Variants in UNC13C observed in about 807,000 individuals in gnomAD.
UNC13C encodes protein unc-13 homolog C.
In UNC13C, 174 loss-of-function variants were observed where a neutral mutation model predicts 245.4. The ratio of observed to expected loss-of-function variants is 0.71; its 90% CI spans 0.63 to 0.80. The LOEUF is 0.80. UNC13C is among the 30% of genes least tolerant of loss of function. The pLI is 0.00. For missense variants in UNC13C, 2,829 were observed against 2,602.9 expected (o/e 1.09, Z -1.89); for synonymous variants, 992 against 895.1 (o/e 1.11, Z -1.93).
At chr15:54,247,102 C>T (rs1347438283) in intron 7 of UNC13C, among the ~76,000 whole-genome samples, 1 of 152,162 alleles carries the variant, frequency 6.6e-6, no homozygotes, top group African/African-American at 2.4e-5. Context: ...CCTTCTCCTT[C>T]AGCTCTTATT....
At chr15:54,310,988 A>G (rs889555829) in intron 13 of UNC13C, among the ~76,000 whole-genome samples, 4 of 151,686 alleles carry the variant, frequency 2.6e-5, no homozygotes, top group Non-Finnish European at 5.9e-5. Context: ...ATCATTTACT[A>G]TTTAGAGTCA....
At chr15:54,597,297 G>A (rs959790434) in intron 30 of UNC13C, among the ~76,000 whole-genome samples, 1 of 152,188 alleles carries the variant, frequency 6.6e-6, no homozygotes, top group African/African-American at 2.4e-5. Context: ...CCACTGCTCA[G>A]GAAGGTAAGA....
chr15:54,420,055 T>A (rs578111198), intron 19 of UNC13C, among the ~76,000 whole-genome samples: 6 of 152,192 alleles, frequency 3.9e-5, no homozygotes, highest in Admixed American at 1.3e-4. Context: ...CAGAAAAGAA[T>A]AAGATGAACA....
At chr15:54,209,280 C>T (rs374904151) in intron 4 of UNC13C, among the ~76,000 whole-genome samples, 12 of 152,076 alleles carry the variant, frequency 7.9e-5, no homozygotes, top group South Asian at 2.1e-4. Flanking sequence ...TTGATATTTG[C>T]GAGGAGAGTA....
chr15:54,553,081 CTATATTACAATATATAATATATAT>C (rs1896910816), intron 28 of UNC13C, among the ~76,000 whole-genome samples: 4 of 85,602 alleles, frequency 4.7e-5, no homozygotes, highest in African/African-American at 1.4e-4. Flanking sequence ...ATATTGTATT[CTATATTACAATATATAATATATAT>C]TGTATTCTAT....
chr15:54,614,744 T>C lies in UNC13C; in HGVS notation c.6107-7583T>C, dbSNP rs1028369152. ...ATCTTCTTCCTTTTCTTCTTGGATA[T>C]TTATTATATACTTAGACATTTTGCC... is the stretch of plus-strand genomic sequence containing the variant. On this transcript the variant is annotated intron_variant, in intron 30 of 32. Transcript: ENST00000260323. Among the ~76,000 whole-genome samples the C allele has an allele frequency of 3.3e-5, 5 of 152,128 alleles. No individual in the cohort carries two copies. In the East Asian group the frequency reaches 9.7e-4, roughly 29 times the overall value.
At chr15:54,002,144 G>A (rs145498972) in intron 1 of UNC13C, among the ~76,000 whole-genome samples, 4,273 of 152,200 alleles carry the variant, frequency 0.028, 95 homozygotes, top group Middle Eastern at 0.079. Flanking sequence ...AATATTAGCC[G>A]GCGTGGTGGC....
intron 25 of UNC13C, among the ~76,000 whole-genome samples, chr15:54,527,557 G>T (rs1422173683): frequency 6.6e-6 from 1 of 152,066 alleles, no homozygotes. Context: ...TGGGGAGGTG[G>T]AATATTCAGG....
chr15:54,567,863 C>G lies in UNC13C; in HGVS notation c.6022C>G (p.Gln2008Glu), dbSNP rs1350074878. ...TTTCTTGGAGAAAAGCCCAGATCTT[C>G]AGTCTCTGAGATATGCTCTCAGTCT... ...KNFLEKSPDL[Q>E]SLRYALSLYT... Residue 2008 changes from glutamine to glutamate, a missense_variant, in exon 30 of 33, where the codon CAG (glutamine) becomes GAG (glutamate). Transcript: ENST00000260323. 1.2e-6 allele frequency: 2 copies of G among 1,603,146 alleles called. No homozygotes were observed. The highest frequency in any genetic ancestry group is 4.5e-5 in the East Asian group (2 of 44,584).
intron 3 of UNC13C, 119 bp from the exon 4 acceptor site, chr15:54,143,501 T>C: frequency 1.5e-6 from 1 of 688,898 alleles, no homozygotes; most frequent in Non-Finnish European, 2.5e-6. Context: ...CTGCTTAGCA[T>C]CTGTCATACT....
At chr15:53,871,662 T>G in the UNC13C span, among the ~76,000 whole-genome samples, 1 of 152,186 alleles carries the variant, frequency 6.6e-6, no homozygotes, top group African/African-American at 2.4e-5. Flanking sequence ...GCAGCAAATT[T>G]CCAGGAGACT....
chr15:54,350,996 T>C (rs1046391984), intron 17 of UNC13C, among the ~76,000 whole-genome samples: 3 of 152,184 alleles, frequency 2.0e-5, no homozygotes, highest in African/African-American at 7.2e-5. Context: ...ATTTTTCTAT[T>C]TTTCACATTG....
chr15:54,103,179 A>AAC (rs982443265), intron 2 of UNC13C, among the ~76,000 whole-genome samples: 7 of 152,104 alleles, frequency 4.6e-5, no homozygotes, highest in African/African-American at 7.2e-5. Context: ...GTGATACACA[A>AAC]ACACACACAC....
At chr15:54,449,963 C>T (rs1453587842) in intron 19 of UNC13C, among the ~76,000 whole-genome samples, 4 of 152,166 alleles carry the variant, frequency 2.6e-5, no homozygotes, top group Non-Finnish European at 1.5e-5. Flanking sequence ...TGTGGATGTC[C>T]TTTCTCTTTG....
At chr15:53,991,461 T>C (rs1894385320) in intron 1 of UNC13C, among the ~76,000 whole-genome samples, 1 of 152,036 alleles carries the variant, frequency 6.6e-6, no homozygotes, top group Admixed American at 6.6e-5. Flanking sequence ...TGGTCCATCT[T>C]CTTGAAAGCT....
chr15:53,889,511 G>T, the UNC13C span, among the ~76,000 whole-genome samples: 2 of 152,164 alleles, frequency 1.3e-5, no homozygotes, highest in Admixed American at 1.3e-4. Flanking sequence ...GAGACAATTT[G>T]ACTTCCTTTC....
At chr15:54,062,342 T>A (rs987620026) in intron 2 of UNC13C, among the ~76,000 whole-genome samples, 4 of 145,200 alleles carry the variant, frequency 2.8e-5, no homozygotes, top group African/African-American at 1.0e-4. Context: ...AAAAAAAAAA[T>A]CTCCATCCTC....
At position 54,013,319 on chromosome 15, in the gene UNC13C, A is replaced by AAAACC. The variant is rs1480170328; in HGVS notation, c.418_422dup (p.Ala142ThrfsTer37). ...TTAAATGAACTAAGGAGTAGCACAG[A>AAAACC]AAACCAGGCACAATCAACACACACA... On this transcript the variant is annotated frameshift_variant, in exon 2 of 33. Coordinates refer to ENST00000260323, the MANE Select transcript of UNC13C (RefSeq NM_001080534.3). LOFTEE classifies it high-confidence loss of function. 1.2e-6 allele frequency: 2 copies of AAAACC among 1,613,774 alleles called. No individual in the cohort carries two copies. Among genetic ancestry groups the AAAACC allele is most frequent in the African/African-American group, 1.3e-5 (1 of 74,922 alleles).
intron 2 of UNC13C, among the ~76,000 whole-genome samples, chr15:54,059,754 G>T (rs1220917892): frequency 6.6e-6 from 1 of 152,124 alleles, no homozygotes; most frequent in African/African-American, 2.4e-5. Context: ...GCATGGTACT[G>T]GTACCAAAAT....
Sources: gnomAD v4.1 joint callset for allele counts (sites outside exome capture counted in the v4.1 genomes callset) on GRCh38, gnomAD v4.1.1 for gene constraint, MANE v1.5 for transcripts, NCBI Gene and HGNC (gene_info 2026-07-23, HGNC 2026-07-21) for gene names.